The following STAU1 variants were observed in gnomAD, a reference collection of about 807,000 sequenced individuals.
STAU1 encodes the protein double-stranded RNA-binding protein Staufen homolog 1.
STAU1 carries 13 observed loss-of-function variants against 62.9 expected under a neutral mutation model. The ratio of observed to expected loss-of-function variants is 0.21; its 90% CI spans 0.13 to 0.33. The LOEUF (loss-of-function observed/expected upper bound fraction) is 0.33, where lower values mean the gene tolerates loss of function less well. Ranked by LOEUF, STAU1 falls within the 10% of genes least tolerant of loss-of-function variation. The probability of loss-of-function intolerance (pLI) is 1.00; values close to 1 mark genes in which losing one functional copy is unlikely to be tolerated. For missense variants in STAU1, 571 were observed against 712.1 expected, an observed-to-expected ratio of 0.80 and a Z score of 2.25; for synonymous variants, 269 against 265.1, an observed-to-expected ratio of 1.01 and a Z score of -0.14.
At chr20:49,184,127 C>CTACTAAACCCTG (rs1433880892) in intron 1 of STAU1, among the ~76,000 whole-genome samples, 11 of 151,942 alleles carry the variant, frequency 7.2e-5, no homozygotes, top group Non-Finnish European at 1.3e-4. Flanking sequence ...GACAGGGTTT[C>CTACTAAACCCTG]GCCATGCTGG....
At chr20:49,132,221 G>A (rs2092766128) in intron 6 of STAU1, among the ~76,000 whole-genome samples, 1 of 152,108 alleles carries the variant, frequency 6.6e-6, no homozygotes, top group Non-Finnish European at 1.5e-5. Context: ...CCACAACAGT[G>A]CTTTCCCTGT....
At chr20:49,168,334 G>A (rs2093553802) in intron 2 of STAU1, among the ~76,000 whole-genome samples, 1 of 152,152 alleles carries the variant, frequency 6.6e-6, no homozygotes, top group Non-Finnish European at 1.5e-5. Flanking sequence ...GCCCACTTCA[G>A]CCTCCCAAAG....
At chr20:49,200,384 G>A in the STAU1 span, among the ~76,000 whole-genome samples, 2 of 152,126 alleles carry the variant, frequency 1.3e-5, no homozygotes, top group Admixed American at 1.3e-4. Context: ...GGATCACAAG[G>A]TCAGGAAATC....
chr20:49,178,272 A>T (rs2093683649), intron 1 of STAU1, among the ~76,000 whole-genome samples: 2 of 152,166 alleles, frequency 1.3e-5, no homozygotes, highest in South Asian at 4.1e-4. Context: ...GATCATTATC[A>T]ATATATCTAT....
chr20:49,186,763 C>T (rs991993197), intron 1 of STAU1, among the ~76,000 whole-genome samples: 1 of 151,964 alleles, frequency 6.6e-6, no homozygotes, highest in Non-Finnish European at 1.5e-5. Context: ...ATGCAATTTA[C>T]ACTTGGTAAG....
chr20:49,166,185 A>G lies in STAU1; in HGVS notation c.17T>C (p.Val6Ala). 1.2e-6 allele frequency: 2 copies of G among 1,614,208 alleles called. 1 individual carries two copies. Among genetic ancestry groups the G allele is most frequent in the Middle Eastern group, 3.3e-4 (2 of 6,062 alleles). Residue 6 changes from valine to alanine, a missense_variant, in exon 3 of 14, where the codon GTG (valine) becomes GCG (alanine). Physicochemically the swap from Val to Ala is moderately conservative, Grantham distance 64. This residue lies in a region of STAU1 where 414 missense variants were observed against 499.6 expected (regional missense o/e 0.83). Transcript: ENST00000371856. ...AGCAGCAGATGGGTTCTGAACTTGC[A>G]CTTGAACTTGAGACATGGTCACTTT... is the stretch of plus-strand genomic sequence containing the variant. The part of the protein sequence containing the change: MSQVQ[V>A]QVQNPSAALS...
In STAU1 at chr20:49,117,356, A is replaced by G; in HGVS notation, c.1510-108T>C. ...GCAAGATCACCAGCTCTTTTTTCCAACTCAGCCCCACTGTGGCCATACTAA... is the reference window on the plus strand; with the variant it reads ...GCAAGATCACCAGCTCTTTTTTCCAGCTCAGCCCCACTGTGGCCATACTAA... On this transcript the variant is annotated intron_variant, in intron 11 of 13. Transcript: ENST00000371856. This position sits in a 1 kb window ranked among gnomAD's most constrained non-coding sequence, Gnocchi z 4.6. 8 of 1,381,452 alleles carry G rather than the reference A, an allele frequency of 5.8e-6. No homozygotes were observed. Among genetic ancestry groups the G allele is most frequent in the Admixed American group, 1.9e-5 (1 of 52,374 alleles). 85.6% of individuals were successfully genotyped at this position (1,381,452 alleles called of 1,614,324 possible). A position where few individuals can be genotyped will look rare whatever the true frequency, so the allele number is the denominator to read the frequency against.
chr20:49,118,498 C>G (rs1318314846), intron 9 of STAU1, 90 bp from the exon 10 acceptor site: 1 of 1,021,706 alleles, frequency 9.8e-7, no homozygotes, highest in Non-Finnish European at 1.5e-6. Context: ...ACACAAAGTC[C>G]AGTCAGCAAT....
intron 6 of STAU1, chr20:49,135,050 T>C (rs150843427): frequency 7.7e-6 from 11 of 1,432,552 alleles, no homozygotes; most frequent in South Asian, 2.3e-5. Flanking sequence ...TCCAGAGCCC[T>C]GGGCAGCATT....
At chr20:49,145,473 C>A (rs2093109535) in intron 5 of STAU1, among the ~76,000 whole-genome samples, 2 of 130,882 alleles carry the variant, frequency 1.5e-5, no homozygotes, top group Non-Finnish European at 3.1e-5. Context: ...TGGCTCACGT[C>A]TGTAATCCCA....
intron 1 of STAU1, among the ~76,000 whole-genome samples, chr20:49,180,451 G>A (rs564870166): frequency 6.6e-6 from 1 of 152,218 alleles, no homozygotes; most frequent in South Asian, 2.1e-4. Context: ...AGCCCCCGGG[G>A]TAGCTGGGAT....
intron 1 of STAU1, among the ~76,000 whole-genome samples, chr20:49,180,855 C>A (rs777352393): frequency 2.0e-5 from 3 of 152,152 alleles, no homozygotes; most frequent in Non-Finnish European, 4.4e-5. Flanking sequence ...TTCTAATGAG[C>A]AAAATTCATC....
chr20:49,216,048 G>GAAA, the STAU1 span, among the ~76,000 whole-genome samples: 83 of 115,000 alleles, frequency 7.2e-4, no homozygotes, highest in Non-Finnish European at 9.3e-4. Context: ...AGAAGAAGAA[G>GAAA]AAAAAAAAAG....
chr20:49,125,383 A>T (rs2092585075), intron 6 of STAU1, among the ~76,000 whole-genome samples: 1 of 151,324 alleles, frequency 6.6e-6, no homozygotes, highest in Admixed American at 6.6e-5. Flanking sequence ...TACAAAAATT[A>T]GCTAGGGGTG....
intron 3 of STAU1, among the ~76,000 whole-genome samples, chr20:49,164,092 T>C (rs552523340): frequency 1.3e-3 from 198 of 151,922 alleles, no homozygotes; most frequent in Non-Finnish European, 2.5e-3. Context: ...CAGCCGAGCG[T>C]AGTGGCAGGC....
chr20:49,204,622 ATG>A, the STAU1 span, among the ~76,000 whole-genome samples: 13 of 40,628 alleles, frequency 3.2e-4, no homozygotes, highest in Middle Eastern at 0.016. Flanking sequence ...ATATATATAT[ATG>A]TGTATATATA....
At chr20:49,149,119 T>C (rs151068786) in intron 5 of STAU1, among the ~76,000 whole-genome samples, 49 of 152,162 alleles carry the variant, frequency 3.2e-4, no homozygotes, top group African/African-American at 1.2e-3. Flanking sequence ...GGCGTGGTGG[T>C]GAGCACCTGT....
chr20:49,148,548 C>T (rs2093175124), intron 5 of STAU1, among the ~76,000 whole-genome samples: 1 of 152,246 alleles, frequency 6.6e-6, no homozygotes, highest in Non-Finnish European at 1.5e-5. Context: ...TGACTCTTCA[C>T]TTCACTGGCT....
chr20:49,182,445 A>G (rs1287411412), intron 1 of STAU1, among the ~76,000 whole-genome samples: 3 of 152,252 alleles, frequency 2.0e-5, no homozygotes, highest in Admixed American at 6.5e-5. Flanking sequence ...ACACAGCTAT[A>G]TATTTATAAT....
Sources: gnomAD v4.1 joint callset for allele counts (sites outside exome capture counted in the v4.1 genomes callset) on GRCh38, gnomAD v4.1.1 for gene constraint, gnomAD v4.1.1 regional missense constraint, Gnocchi (gnomAD v3.1) non-coding constraint, MANE v1.5 for transcripts, NCBI Gene and HGNC (gene_info 2026-07-23, HGNC 2026-07-21) for gene names.